The following ACAP2 variants were observed in gnomAD, a reference collection of about 807,000 sequenced individuals.
The protein encoded by ACAP2 is ArfGAP with coiled-coil, ankyrin repeat and PH domains 2.
In ACAP2, 39 loss-of-function variants were observed where a neutral mutation model predicts 115.8. That is an observed-to-expected ratio of 0.34 (90% CI 0.26 to 0.44). The LOEUF is 0.44. Among genes scored for constraint, ACAP2 ranks in the 20% least tolerant of loss-of-function variants. The probability of loss-of-function intolerance (pLI) is 1.00; values close to 1 mark genes in which losing one functional copy is unlikely to be tolerated. For synonymous variants in ACAP2, 289 were observed against 315.8 expected (o/e 0.92, Z 0.90); for missense variants, 662 against 927.6 (o/e 0.71, Z 3.72).
At position 195,398,252 on chromosome 3, in the gene ACAP2, G is replaced by A. The variant is rs188049988; in HGVS notation, c.54-6105C>T. ...ACAGAGGAGAACCAACATAGAATCA[G>A]TATGAAGGAAGGTTACAGTTCTAAA... On this transcript the variant is annotated intron_variant, in intron 1 of 22. Transcript: ENST00000326793. Among the ~76,000 whole-genome samples, 131 of 152,338 alleles carry A rather than the reference G, an allele frequency of 8.6e-4. 1 individual carries two copies. Among genetic ancestry groups the A allele is most frequent in the African/African-American group, 2.8e-3 (118 of 41,574 alleles).
Position 195,289,737 on chromosome 3 carries a change from C to T in ACAP2, c.2064-506G>A, listed in dbSNP as rs1008303270. Among the ~76,000 whole-genome samples the T allele has an allele frequency of 6.5e-5, 9 of 138,524 alleles. No individual in the cohort carries two copies. The East Asian group carries it at 8.7e-4, about 13-fold the overall frequency. The allele number at this position is 138,524 out of a possible 152,430, so 90.9% of individuals were successfully genotyped here. On this transcript the variant is annotated intron_variant, in intron 20 of 22. Coordinates refer to ENST00000326793, the MANE Select transcript of ACAP2 (RefSeq NM_012287.6). ...AGGAGAATGGCGTGAACCCGGGAGG[C>T]GGAGCTTGCAGTGAGCCGAGATCAC...
At chr3:195,342,044 T>C (rs937883029) in intron 6 of ACAP2, among the ~76,000 whole-genome samples, 10 of 152,102 alleles carry the variant, frequency 6.6e-5, no homozygotes, top group African/African-American at 2.2e-4. Context: ...TTGGGTACAA[T>C]GTATACTACT....
At chr3:195,324,116 T>C (rs1411562758) in intron 9 of ACAP2, among the ~76,000 whole-genome samples, 2 of 152,114 alleles carry the variant, frequency 1.3e-5, no homozygotes, top group Non-Finnish European at 2.9e-5. Flanking sequence ...GATCAACAAT[T>C]AGGCAACCTG....
intron 20 of ACAP2, 92 bp downstream of exon 20, chr3:195,291,614 A>G: frequency 1.1e-6 from 1 of 907,480 alleles, no homozygotes; most frequent in Non-Finnish European, 1.6e-6. Flanking sequence ...TACAAACACT[A>G]CCTGAAAACT....
intron 10 of ACAP2, among the ~76,000 whole-genome samples, chr3:195,316,203 GT>G (rs771432063): frequency 5.6e-4 from 76 of 135,794 alleles, no homozygotes; most frequent in Non-Finnish European, 7.6e-4. Flanking sequence ...GGTTTTTTTT[GT>G]TTTTTTTTTT....
intron 1 of ACAP2, among the ~76,000 whole-genome samples, chr3:195,427,363 G>A (rs1217087434): frequency 6.6e-6 from 1 of 151,806 alleles, no homozygotes; most frequent in Non-Finnish European, 1.5e-5. Flanking sequence ...TAAGTTTGGG[G>A]TAATTTGCTA....
intron 22 of ACAP2, among the ~76,000 whole-genome samples, chr3:195,280,444 C>T (rs1353395638): frequency 6.6e-6 from 1 of 151,700 alleles, no homozygotes; most frequent in African/African-American, 2.4e-5. Context: ...TGCACTCCAG[C>T]CTGGGCAACA....
In ACAP2 at chr3:195,281,838, T is replaced by A. The variant is rs115443560; in HGVS notation, c.2237-2410A>T. Among the ~76,000 whole-genome samples the A allele has an allele frequency of 8.5e-3, 1,291 of 152,332 alleles. 27 individuals are homozygous for A. Among genetic ancestry groups the A allele is most frequent in the African/African-American group, 0.03 (1,241 of 41,578 alleles). On this transcript the variant is annotated intron_variant, in intron 22 of 22. Coordinates refer to ENST00000326793, the MANE Select transcript of ACAP2 (RefSeq NM_012287.6). The stretch of plus-strand genomic sequence containing the variant: ...TTTTTTCTAATTTGCAGATGTTGAA[T>A]TAAAATATGTAAAATATTTATTGTA...
intron 1 of ACAP2, among the ~76,000 whole-genome samples, chr3:195,436,164 T>C (rs1715530531): frequency 6.6e-6 from 1 of 150,758 alleles, no homozygotes; most frequent in East Asian, 1.9e-4. Flanking sequence ...AGTCCCACTG[T>C]CACCCAGGCT....
intron 8 of ACAP2, among the ~76,000 whole-genome samples, chr3:195,331,394 C>T (rs570439064): frequency 1.3e-5 from 2 of 152,036 alleles, no homozygotes; most frequent in East Asian, 1.9e-4. Context: ...TACAATGGCC[C>T]GATCTTGGCT....
At chr3:195,341,062 T>G (rs536835534) in intron 6 of ACAP2, among the ~76,000 whole-genome samples, 96 of 152,350 alleles carry the variant, frequency 6.3e-4, no homozygotes, top group African/African-American at 2.2e-3. Context: ...AAACAATCTC[T>G]GAGGACAACC....
At chr3:195,405,779 G>A (rs1438695649) in intron 1 of ACAP2, among the ~76,000 whole-genome samples, 4 of 152,146 alleles carry the variant, frequency 2.6e-5, no homozygotes, top group Admixed American at 1.3e-4. Context: ...AAGCATGATA[G>A]TGGCTTCAGG....
intron 4 of ACAP2, among the ~76,000 whole-genome samples, chr3:195,347,458 C>T (rs1364826857): frequency 6.6e-6 from 1 of 152,264 alleles, no homozygotes; most frequent in East Asian, 1.9e-4. Context: ...GACACACATA[C>T]ATGCAATATG....
At position 195,295,614 on chromosome 3, in the gene ACAP2, T is replaced by A; in HGVS notation, c.1672+94A>T. ...GTAGAAGGGAACAGGTTTTTAACATTAAAAAAAACGACAATGGCTATTAGT... is the reference window on the plus strand; with the variant it reads ...GTAGAAGGGAACAGGTTTTTAACATAAAAAAAAACGACAATGGCTATTAGT... On this transcript the variant is annotated intron_variant, in intron 17 of 22. Coordinates refer to ENST00000326793, the MANE Select transcript of ACAP2 (RefSeq NM_012287.6). 6 of 1,369,520 alleles carry A rather than the reference T, an allele frequency of 4.4e-6. No homozygotes were observed. The South Asian group carries it at 6.5e-5, about 15-fold the overall frequency. 84.8% of individuals were successfully genotyped at this position (1,369,520 alleles called of 1,614,324 possible).
intron 9 of ACAP2, among the ~76,000 whole-genome samples, chr3:195,324,511 T>G (rs762833585): frequency 5.9e-5 from 9 of 152,050 alleles, no homozygotes; most frequent in Non-Finnish European, 1.3e-4. Flanking sequence ...CCGAGCACAT[T>G]GGGAGGCCGA....
chr3:195,332,991 G>A, intron 8 of ACAP2, 37 bp downstream of exon 8: 2 of 1,452,410 alleles, frequency 1.4e-6, no homozygotes, highest in Middle Eastern at 1.7e-4. Flanking sequence ...AAATACCAAT[G>A]TATAAAACAG....
intron 4 of ACAP2, among the ~76,000 whole-genome samples, chr3:195,368,409 C>G (rs988000044): frequency 2.0e-5 from 3 of 152,176 alleles, no homozygotes; most frequent in African/African-American, 7.2e-5. Context: ...CTCTGCCTCC[C>G]ATAGTGCTGG....
intron 1 of ACAP2, among the ~76,000 whole-genome samples, chr3:195,415,054 A>G (rs760616362): frequency 2.0e-5 from 3 of 152,164 alleles, no homozygotes; most frequent in South Asian, 2.1e-4. Flanking sequence ...AATGGTAGCT[A>G]CATGTCATTA....
At chr3:195,305,146 C>T (rs1728339513) in intron 13 of ACAP2, among the ~76,000 whole-genome samples, 1 of 152,090 alleles carries the variant, frequency 6.6e-6, no homozygotes, top group Non-Finnish European at 1.5e-5. Flanking sequence ...ACAAACACAG[C>T]TCTTGGAAAT....
Sources: allele counts gnomAD v4.1 joint callset (sites outside exome capture counted in the v4.1 genomes callset), GRCh38; gene constraint gnomAD v4.1.1; transcripts MANE v1.5; gene names NCBI Gene and HGNC (gene_info 2026-07-23, HGNC 2026-07-21).